Variants in MECOM observed in about 807,000 individuals in gnomAD.
The protein encoded by MECOM is histone-lysine N-methyltransferase MECOM.
Under a neutral mutation model 116.3 loss-of-function variants are expected in MECOM, and 13 were observed. The observed-to-expected ratio is 0.11, with a 90% confidence interval of 0.07 to 0.18. The LOEUF (loss-of-function observed/expected upper bound fraction) is 0.18, where lower values mean the gene tolerates loss of function less well. Among genes scored for constraint, MECOM ranks in the 10% least tolerant of loss-of-function variants. MECOM has a pLI of 1.00. For synonymous variants in MECOM, 528 were observed against 535.2 expected, an observed-to-expected ratio of 0.99 and a Z score of 0.19; for missense variants, 1,299 against 1,509.0, an observed-to-expected ratio of 0.86 and a Z score of 2.31.
intron 1 of MECOM, among the ~76,000 whole-genome samples, chr3:169,643,792 C>T (rs1413051854): frequency 6.6e-6 from 1 of 152,172 alleles, no homozygotes; most frequent in Non-Finnish European, 1.5e-5. Context: ...GGTATGTAAA[C>T]ACTCTATAGC....
intron 1 of MECOM, among the ~76,000 whole-genome samples, chr3:169,644,221 T>C (rs947052639): frequency 1.3e-5 from 2 of 151,654 alleles, no homozygotes; most frequent in Non-Finnish European, 2.9e-5. Context: ...TCCTCGCATT[T>C]TATTTTATTT....
intron 2 of MECOM, among the ~76,000 whole-genome samples, chr3:169,266,547 A>C (rs1330917048): frequency 6.6e-6 from 1 of 152,210 alleles, no homozygotes; most frequent in African/African-American, 2.4e-5. Flanking sequence ...CAATGGCAAC[A>C]ATAGAACCAG....
intron 1 of MECOM, among the ~76,000 whole-genome samples, chr3:169,622,088 G>T (rs761486118): frequency 2.0e-5 from 3 of 152,092 alleles, no homozygotes; most frequent in Non-Finnish European, 2.9e-5. Context: ...GCCAACAGAG[G>T]TTTGTTTGTT....
intron 2 of MECOM, among the ~76,000 whole-genome samples, chr3:169,199,804 G>A (rs1026514456): frequency 6.6e-6 from 1 of 151,992 alleles, no homozygotes; most frequent in Non-Finnish European, 1.5e-5. Flanking sequence ...TTTCATCCTA[G>A]CGTTACTCTG....
chr3:169,427,338 C>T (rs1740898267), intron 1 of MECOM, among the ~76,000 whole-genome samples: 1 of 152,036 alleles, frequency 6.6e-6, no homozygotes, highest in Non-Finnish European at 1.5e-5. Flanking sequence ...AAAGGATTTG[C>T]ACTTCATTTA....
Position 169,178,679 on chromosome 3 carries a change from A to T in MECOM, c.376-34847T>A, listed in dbSNP as rs934177685. Among the ~76,000 whole-genome samples, 4 of 152,200 alleles carry T rather than the reference A, an allele frequency of 2.6e-5. No individual in the cohort carries two copies. In the South Asian group the frequency reaches 6.2e-4, roughly 24 times the overall value. On this transcript the variant is annotated intron_variant, in intron 2 of 16. Transcript: ENST00000651503. ...TGCCATGTTTGATTTTTCAAAATGA[A>T]TTTTTAAAATATAAATTCTTCAGTT...
Position 169,436,813 on chromosome 3 carries a change from A to AT in MECOM, c.38-55290dup, listed in dbSNP as rs556145618. Among the ~76,000 whole-genome samples, 4 of 152,264 alleles carry AT rather than the reference A, an allele frequency of 2.6e-5. No homozygotes were observed. In the East Asian group the frequency reaches 7.7e-4, roughly 29 times the overall value. On this transcript the variant is annotated intron_variant, in intron 1 of 16. Coordinates refer to ENST00000651503, the MANE Select transcript of MECOM (RefSeq NM_004991.4). ...TGACTCTGGATTAAGAATATTAAAA[A>AT]TTTTTGGAAATTTTTTATTCTCAAT...
intron 1 of MECOM, among the ~76,000 whole-genome samples, chr3:169,505,119 A>G (rs1755035530): frequency 6.6e-6 from 1 of 152,196 alleles, no homozygotes; most frequent in South Asian, 2.1e-4. Context: ...AAAAATGTCC[A>G]ACTTCCTCTA....
intron 3 of MECOM, among the ~76,000 whole-genome samples, chr3:169,132,684 A>G (rs1735119284): frequency 6.6e-6 from 1 of 152,002 alleles, no homozygotes. Flanking sequence ...TCTCTTTAAC[A>G]GTGCCAATAA....
intron 1 of MECOM, among the ~76,000 whole-genome samples, chr3:169,441,146 T>A (rs1013273717): frequency 6.6e-6 from 1 of 152,176 alleles, no homozygotes; most frequent in South Asian, 2.1e-4. Context: ...AGCTGGCTGA[T>A]GTGACAGCTC....
chr3:169,138,974 G>T (rs563224401), intron 3 of MECOM, among the ~76,000 whole-genome samples: 1 of 152,124 alleles, frequency 6.6e-6, no homozygotes, highest in South Asian at 2.1e-4. Flanking sequence ...GAGCGAACGC[G>T]GGGTGCCACA....
intron 1 of MECOM, among the ~76,000 whole-genome samples, chr3:169,485,933 G>GTATATATATACTATA: frequency 1.0e-5 from 1 of 100,272 alleles, no homozygotes; most frequent in East Asian, 3.3e-4. Flanking sequence ...AGTATATATA[G>GTATATATATACTATA]TATATATGTA....
Position 169,147,232 on chromosome 3 carries a change from GA to G in MECOM, c.376-3401del, listed in dbSNP as rs1363003979. 2.9e-5 allele frequency: 29 copies of G among 985,494 alleles called. No homozygotes were observed. In the South Asian group the frequency reaches 8.9e-4, roughly 30 times the overall value. The allele number at this position is 985,494 out of a possible 1,614,324, so 61.0% of individuals were successfully genotyped here. A position where few individuals can be genotyped will look rare whatever the true frequency, so the allele number is the denominator to read the frequency against. The stretch of plus-strand genomic sequence containing the variant: ...AATGGGGGAAAACAAGCAGGAGGAG[GA>G]GAGTTTGAAAAGGTGGGGGGCCTGG... On this transcript the variant is annotated intron_variant, in intron 2 of 16. Transcript: ENST00000651503.
chr3:169,327,484 A>G (rs768500294), intron 2 of MECOM, among the ~76,000 whole-genome samples: 1 of 152,014 alleles, frequency 6.6e-6, no homozygotes, highest in Non-Finnish European at 1.5e-5. Flanking sequence ...CTAAAAATAC[A>G]AAAATTAGCC....
intron 16 of MECOM, among the ~76,000 whole-genome samples, chr3:169,087,640 TC>T (rs201615695): frequency 0.01 from 1,545 of 151,926 alleles, 10 homozygotes; most frequent in Non-Finnish European, 0.014. Context: ...ACCTTGATAC[TC>T]AAGTTATCTC....
At chr3:169,228,295 A>G (rs893002417) in intron 2 of MECOM, among the ~76,000 whole-genome samples, 8 of 152,242 alleles carry the variant, frequency 5.3e-5, no homozygotes, top group African/African-American at 1.9e-4. Flanking sequence ...AAATACTAGC[A>G]CAAGACCTGT....
At position 169,373,102 on chromosome 3, in the gene MECOM, C is replaced by A. The variant is rs185831384; in HGVS notation, c.375+8085G>T. On this transcript the variant is annotated intron_variant, in intron 2 of 16. Coordinates refer to ENST00000651503, the MANE Select transcript of MECOM (RefSeq NM_004991.4). Reference sequence around the variant, plus strand: ...TAACCTGAGAAAAAGCTTTCTATCACTAATTATTTTCAAGTCCTTTAGACA... The same window carrying A: ...TAACCTGAGAAAAAGCTTTCTATCAATAATTATTTTCAAGTCCTTTAGACA... Among the ~76,000 whole-genome samples, 22 of 152,128 alleles carry A rather than the reference C, an allele frequency of 1.4e-4. 1 individual carries two copies. The highest frequency in any genetic ancestry group is 5.1e-4 in the African/African-American group (21 of 41,540).
At chr3:169,423,343 A>G (rs1313032487) in intron 1 of MECOM, among the ~76,000 whole-genome samples, 1 of 144,590 alleles carries the variant, frequency 6.9e-6, no homozygotes, top group Non-Finnish European at 1.5e-5. Context: ...CTTGGTTTCA[A>G]GGAAGGCAGG....
intron 12 of MECOM, among the ~76,000 whole-genome samples, chr3:169,098,660 T>C (rs1293620640): frequency 6.6e-6 from 1 of 152,186 alleles, no homozygotes; most frequent in Non-Finnish European, 1.5e-5. Context: ...ATATCCTCTT[T>C]AAACTTTCAC....
Sources: gnomAD v4.1 joint callset for allele counts (sites outside exome capture counted in the v4.1 genomes callset) on GRCh38, gnomAD v4.1.1 for gene constraint, MANE v1.5 for transcripts, NCBI Gene and HGNC (gene_info 2026-07-23, HGNC 2026-07-21) for gene names.